ANKS6: variants seen among roughly 807,000 people sequenced by gnomAD.
ANKS6 encodes ankyrin repeat and sterile alpha motif domain containing 6, also known as ankyrin repeat and SAM domain-containing protein 6.
Under a neutral mutation model 77.9 loss-of-function variants are expected in ANKS6, and 47 were observed. The observed-to-expected ratio is 0.60, with a 90% CI of 0.48 to 0.77. The LOEUF (loss-of-function observed/expected upper bound fraction) is 0.77, where lower values mean the gene tolerates loss of function less well. ANKS6 is among the 30% of genes least tolerant of loss of function. ANKS6 has a pLI of 0.00. For synonymous variants in ANKS6, 488 were observed against 501.7 expected (o/e 0.97, Z 0.37); for missense variants, 1,150 against 1,159.1 (o/e 0.99, Z 0.11).
chr9:98,777,420 C>T lies in ANKS6; in HGVS notation c.1602G>A (p.Thr534=), dbSNP rs192635874. 3.3e-5 allele frequency: 54 copies of T among 1,614,166 alleles called. 1 individual carries two copies. The highest frequency in any genetic ancestry group is 3.2e-4 in the South Asian group (29 of 91,076). Reference sequence around the variant, plus strand: ...CCACACTCACCATGGTTGTCAATAACGTGTCTTCCTTTTCTCCTCTTGTGC... The same window carrying T: ...CCACACTCACCATGGTTGTCAATAATGTGTCTTCCTTTTCTCCTCTTGTGC... ...PGSTRGEKED[T]LLTTMLRNGA... Residue 534 remains threonine, a synonymous_variant, in exon 8 of 15, where the codon ACG becomes ACA. Coordinates refer to ENST00000353234, the MANE Select transcript of ANKS6 (RefSeq NM_173551.5).
intron 14 of ANKS6, among the ~76,000 whole-genome samples, chr9:98,742,720 G>T (rs1053599573): frequency 6.6e-6 from 1 of 151,940 alleles, no homozygotes; most frequent in African/African-American, 2.4e-5. Flanking sequence ...CAGGCACCTG[G>T]GCCTCTTGGT....
In ANKS6 at chr9:98,784,137, C is replaced by CT; in HGVS notation, c.927dup (p.Glu310ArgfsTer5). On this transcript the variant is annotated frameshift_variant, in exon 4 of 15. Transcript: ENST00000353234. LOFTEE classifies it high-confidence loss of function. ...TGGCTGGGGTCTTCATCGGCAATCT[C>CT]TTTGACCAGCTGGAAGTTTCCTGCA... 6.5e-7 allele frequency: 1 copy of CT among 1,538,688 alleles called. No homozygotes were observed. Among genetic ancestry groups the CT allele is most frequent in the East Asian group, 2.4e-5 (1 of 41,700 alleles).
chr9:98,736,430 C>T lies in ANKS6; in HGVS notation c.*89G>A. 1 of 1,472,022 alleles carries T rather than the reference C, an allele frequency of 6.8e-7. No individual in the cohort carries two copies. Among genetic ancestry groups the T allele is most frequent in the Non-Finnish European group, 9.0e-7 (1 of 1,111,502 alleles). 91.2% of individuals were successfully genotyped at this position (1,472,022 alleles called of 1,614,324 possible). Reference sequence around the variant, plus strand: ...AGGGAACAACATGACTAAGGCACAGCAGTGTGACGGGGGCAGGGCTGGGGC... The same window carrying T: ...AGGGAACAACATGACTAAGGCACAGTAGTGTGACGGGGGCAGGGCTGGGGC... On this transcript the variant is annotated 3_prime_UTR_variant, in exon 15 of 15. Transcript: ENST00000353234.
Position 98,735,823 on chromosome 9 carries a change from TGTATGCAGC to T in ANKS6, c.*687_*695del. On this transcript the variant is annotated 3_prime_UTR_variant, in exon 15 of 15. Transcript: ENST00000353234. ...TGACATACACATCTCCAATGTAAGC[TGTATGCAGC>T]AGGTGCAGTGGAATGCTACAGCAGT... 1 of 1,231,736 alleles carries T rather than the reference TGTATGCAGC, an allele frequency of 8.1e-7. No individual in the cohort carries two copies. Among genetic ancestry groups the T allele is most frequent in the Non-Finnish European group, 1.0e-6 (1 of 987,984 alleles). The allele number at this position is 1,231,736 out of a possible 1,614,324, so 76.3% of individuals were successfully genotyped here.
At chr9:98,767,122 G>T (rs577518334) in intron 11 of ANKS6, among the ~76,000 whole-genome samples, 98 of 152,276 alleles carry the variant, frequency 6.4e-4, no homozygotes, top group Admixed American at 1.2e-3. Flanking sequence ...TTCCAGGAAG[G>T]CATCTAGGTT....
Position 98,790,504 on chromosome 9 carries a change from G to A in ANKS6, c.462C>T (p.Gly154=), listed in dbSNP as rs1227190643. ...GCAGCTTCACCACACCCAGGTGGCCGCCCCGAGAAGCCACAGTGAGCACAC... is the reference window on the plus strand; with the variant it reads ...GCAGCTTCACCACACCCAGGTGGCCACCCCGAGAAGCCACAGTGAGCACAC... ...GASVLTVASR[G]GHLGVVKLLL... The change falls in exon 2 of 15, where the codon GGC becomes GGT. Residue 154 remains glycine (G), a synonymous_variant. Transcript: ENST00000353234. 3.7e-6 allele frequency: 6 copies of A among 1,613,346 alleles called. No homozygotes were observed. Among genetic ancestry groups the A allele is most frequent in the East Asian group, 2.2e-5 (1 of 44,858 alleles).
rs1206229178 is a variant in ANKS6 at position 98,751,048 on chromosome 9, G to A, written c.2375C>T (p.Pro792Leu). The A allele has an allele frequency of 2.5e-6, 4 of 1,609,842 alleles. No homozygotes were observed. Among genetic ancestry groups the A allele is most frequent in the Non-Finnish European group, 2.5e-6 (3 of 1,178,382 alleles). The change falls in exon 13 of 15, where the codon CCC (proline) becomes CTC (leucine). Residue 792 changes from proline (P) to leucine (L), a missense_variant. Transcript: ENST00000353234. ...LKKLSLEKYQPIFEEQEVDME... is the reference protein window; with the variant it reads ...LKKLSLEKYQLIFEEQEVDME... ...TCTTACCTCTTGTTCCTCAAAAATG[G>A]GCTGATATTTCTCAAGTGATAATTT...
chr9:98,789,759 A>T (rs1191306321), intron 2 of ANKS6, among the ~76,000 whole-genome samples: 2 of 152,204 alleles, frequency 1.3e-5, no homozygotes, highest in African/African-American at 4.8e-5. Context: ...TGTATGGTCC[A>T]TACAGTCTAT....
chr9:98,776,785 G>A (rs546141225), intron 8 of ANKS6, among the ~76,000 whole-genome samples: 22 of 152,198 alleles, frequency 1.4e-4, no homozygotes, highest in Non-Finnish European at 2.2e-4. Flanking sequence ...GAATGAGGCC[G>A]TCATGGGCCA....
chr9:98,770,973 T>C lies in ANKS6; in HGVS notation c.1895A>G (p.Asn632Ser), dbSNP rs1450226606. The change falls in exon 10 of 15, where the codon AAC becomes AGC. Residue 632 changes from asparagine to serine, a missense_variant. Asn to Ser is a conservative substitution (Grantham distance 46). Transcript: ENST00000353234. Reference sequence around the variant, plus strand: ...GCCGCCCGATGAATGAGGCGAGTGGTTGAAGTTTCCAGAATTGGCAGAAGA... The same window carrying C: ...GCCGCCCGATGAATGAGGCGAGTGGCTGAAGTTTCCAGAATTGGCAGAAGA... Reference protein sequence around the residue: ...PASSANSGNFNHSPHSSGGSS... With the variant: ...PASSANSGNFSHSPHSSGGSS... 11 of 1,599,354 alleles carry C rather than the reference T, an allele frequency of 6.9e-6. No individual in the cohort carries two copies. The highest frequency in any genetic ancestry group is 1.7e-5 in the Admixed American group (1 of 57,978).
chr9:98,774,088 A>C lies in ANKS6; in HGVS notation c.1618-8T>G. 6.8e-7 allele frequency: 1 copy of C among 1,460,996 alleles called. No individual in the cohort carries two copies. The highest frequency in any genetic ancestry group is 9.1e-7 in the Non-Finnish European group (1 of 1,100,168). The allele number at this position is 1,460,996 out of a possible 1,614,324, so 90.5% of individuals were successfully genotyped here. A position where few individuals can be genotyped will look rare whatever the true frequency, so the allele number is the denominator to read the frequency against. On this transcript the variant is annotated splice_region_variant and splice_polypyrimidine_tract_variant and intron_variant, in intron 8 of 14. Coordinates refer to ENST00000353234, the MANE Select transcript of ANKS6 (RefSeq NM_173551.5). ...GGGAGCTCCGTTTCGAAGCTGAAAA[A>C]GACAGGCTGAGGGTTAGACAAGCCC...
At chr9:98,761,374 A>G (rs963126737) in intron 11 of ANKS6, among the ~76,000 whole-genome samples, 9 of 152,188 alleles carry the variant, frequency 5.9e-5, no homozygotes, top group Admixed American at 5.2e-4. Context: ...GGCTTAAGCA[A>G]TATTCCCATC....
intron 10 of ANKS6, among the ~76,000 whole-genome samples, chr9:98,769,726 C>T (rs1446644935): frequency 2.0e-5 from 3 of 152,156 alleles, no homozygotes; most frequent in Non-Finnish European, 4.4e-5. Context: ...TGACCCCGGA[C>T]GAGTTATCTA....
chr9:98,740,529 T>C (rs1352563573), intron 14 of ANKS6, among the ~76,000 whole-genome samples: 1 of 152,200 alleles, frequency 6.6e-6, no homozygotes, highest in Non-Finnish European at 1.5e-5. Flanking sequence ...GGTGGCACTG[T>C]GCAAACTGCA....
At chr9:98,755,172 T>C (rs1396266598) in intron 12 of ANKS6, among the ~76,000 whole-genome samples, 1 of 152,210 alleles carries the variant, frequency 6.6e-6, no homozygotes, top group African/African-American at 2.4e-5. Context: ...TAGTACAGAC[T>C]AGAGCCTGTG....
At chr9:98,763,174 C>G (rs2117977110) in intron 11 of ANKS6, among the ~76,000 whole-genome samples, 1 of 152,124 alleles carries the variant, frequency 6.6e-6, no homozygotes, top group Middle Eastern at 3.4e-3. Flanking sequence ...CTCCTCTCCC[C>G]CAACAATAAC....
intron 13 of ANKS6, among the ~76,000 whole-genome samples, chr9:98,748,730 T>C (rs7857359): frequency 6.6e-6 from 1 of 152,174 alleles, no homozygotes; most frequent in African/African-American, 2.4e-5. Context: ...TCCAAACTTT[T>C]TGTGGGAAAA....
chr9:98,780,354 C>G lies in ANKS6; in HGVS notation c.1220-17G>C. On this transcript the variant is annotated splice_polypyrimidine_tract_variant and intron_variant, in intron 5 of 14. Coordinates refer to ENST00000353234, the MANE Select transcript of ANKS6 (RefSeq NM_173551.5). Reference sequence around the variant, plus strand: ...GTTCCGTGTCTATGGACACAAAAGGCATCATTTTACCTGCAAATATGTCTG... The same window carrying G: ...GTTCCGTGTCTATGGACACAAAAGGGATCATTTTACCTGCAAATATGTCTG... 6.4e-7 allele frequency: 1 copy of G among 1,566,384 alleles called. No homozygotes were observed. The highest frequency in any genetic ancestry group is 1.2e-5 in the South Asian group (1 of 85,690).
chr9:98,778,202 A>G (rs986850740), intron 7 of ANKS6, 24 bp downstream of exon 7: 19 of 1,612,866 alleles, frequency 1.2e-5, no homozygotes, highest in Non-Finnish European at 1.6e-5. Flanking sequence ...CAAAAATTCT[A>G]CTGCACATGC....
Sources: gnomAD v4.1 joint callset for allele counts (sites outside exome capture counted in the v4.1 genomes callset) on GRCh38, gnomAD v4.1.1 for gene constraint, MANE v1.5 for transcripts, NCBI Gene and HGNC (gene_info 2026-07-23, HGNC 2026-07-21) for gene names.